Variants in STAG1 observed in about 807,000 individuals in gnomAD.
STAG1 encodes the protein STAG1 cohesin complex component.
A neutral mutation model predicts 170.9 loss-of-function variants in STAG1; 26 were observed. The observed-to-expected ratio is 0.15, with a 90% CI of 0.11 to 0.21. The LOEUF (loss-of-function observed/expected upper bound fraction) is 0.21. Ranked by LOEUF, STAG1 falls within the 10% of genes least tolerant of loss-of-function variation. The pLI, the probability that STAG1 is intolerant of heterozygous loss-of-function variation, is 1.00. For synonymous variants in STAG1, 514 were observed against 497.7 expected, an observed-to-expected ratio of 1.03 and a Z score of -0.44; for missense variants, 964 against 1,509.5, an observed-to-expected ratio of 0.64 and a Z score of 5.99.
intron 1 of STAG1, among the ~76,000 whole-genome samples, chr3:136,632,518 T>G (rs910695745): frequency 8.5e-5 from 13 of 152,226 alleles, no homozygotes; most frequent in African/African-American, 2.9e-4. Context: ...TTTGAAGAGA[T>G]TCCCAGCTGG....
At chr3:136,696,181 A>G (rs1942884816) in intron 1 of STAG1, among the ~76,000 whole-genome samples, 1 of 152,200 alleles carries the variant, frequency 6.6e-6, no homozygotes, top group South Asian at 2.1e-4. Flanking sequence ...CTGGTAAGTG[A>G]CAGCAGTAGG....
chr3:136,553,245 T>C (rs1251007208), intron 5 of STAG1, among the ~76,000 whole-genome samples: 1 of 152,160 alleles, frequency 6.6e-6, no homozygotes, highest in East Asian at 1.9e-4. Flanking sequence ...GGGGGGATAT[T>C]ATTCAGAAAG....
chr3:136,422,354 T>C (rs776561061), intron 19 of STAG1, 56 bp downstream of exon 19: 79 of 1,497,994 alleles, frequency 5.3e-5, no homozygotes, highest in Non-Finnish European at 6.8e-5. Flanking sequence ...CACTCAGCTA[T>C]CTTAAGTAAT....
chr3:136,662,657 C>A (rs1228333928), intron 1 of STAG1, among the ~76,000 whole-genome samples: 2 of 152,094 alleles, frequency 1.3e-5, no homozygotes, highest in African/African-American at 2.4e-5. Context: ...GTTGCCCAGT[C>A]TGGTCTCAGA....
At position 136,452,109 on chromosome 3, in the gene STAG1, A is replaced by G; in HGVS notation, c.1352T>C (p.Leu451Ser). 1 of 1,613,446 alleles carries G rather than the reference A, an allele frequency of 6.2e-7. No individual in the cohort carries two copies. The highest frequency in any genetic ancestry group is 8.5e-7 in the Non-Finnish European group (1 of 1,179,842). The change falls in exon 14 of 34, where the codon TTA becomes TCA. Residue 451 changes from leucine (L) to serine (S), a missense_variant. Leu to Ser is a moderately radical substitution (Grantham distance 145). Around this residue, in one of 11 missense-constraint regions of STAG1, gnomAD observed 162 missense variants for 211.2 expected, o/e 0.77. Transcript: ENST00000383202. ...GCTGTTTCTTCCCCTCCTCTTTGCT[A>G]ATGCTTCTTCTGCTTGTGGGTCATG... ...SRHDPQAEEA[L>S]AKRRGRNSPN...
chr3:136,551,331 T>C (rs1480637846), intron 5 of STAG1, among the ~76,000 whole-genome samples: 1 of 149,450 alleles, frequency 6.7e-6, no homozygotes, highest in Non-Finnish European at 1.5e-5. Context: ...CACTGCAGCC[T>C]TGACCTCCCA....
At chr3:136,668,786 A>G (rs1313306173) in intron 1 of STAG1, among the ~76,000 whole-genome samples, 1 of 152,202 alleles carries the variant, frequency 6.6e-6, no homozygotes, top group Non-Finnish European at 1.5e-5. Flanking sequence ...GATGTAGCCA[A>G]TCCCAAAGGC....
chr3:136,430,626 TAAAAA>T (rs11311172), intron 16 of STAG1, among the ~76,000 whole-genome samples: 1 of 131,730 alleles, frequency 7.6e-6, no homozygotes, highest in Non-Finnish European at 1.6e-5. Flanking sequence ...CTGAAGAGCT[TAAAAA>T]AAAAAAAAAA....
intron 9 of STAG1, among the ~76,000 whole-genome samples, chr3:136,490,115 A>C (rs964829570): frequency 1.3e-5 from 2 of 151,598 alleles, no homozygotes; most frequent in African/African-American, 4.9e-5. Context: ...ATCTTGGCTC[A>C]CTGCAACCTC....
At chr3:136,517,685 G>C (rs574333654) in intron 7 of STAG1, among the ~76,000 whole-genome samples, 67 of 149,948 alleles carry the variant, frequency 4.5e-4, no homozygotes, top group African/African-American at 1.6e-3. Flanking sequence ...AAAGTTCCCA[G>C]TCTCAGATTG....
intron 1 of STAG1, among the ~76,000 whole-genome samples, chr3:136,735,004 C>CT (rs1339789472): frequency 1.3e-5 from 2 of 152,200 alleles, no homozygotes; most frequent in East Asian, 3.9e-4. Context: ...ACTCTTGACA[C>CT]TAACCTAGGA....
intron 3 of STAG1, among the ~76,000 whole-genome samples, chr3:136,608,165 G>A (rs1387326169): frequency 6.6e-6 from 1 of 151,880 alleles, no homozygotes; most frequent in Non-Finnish European, 1.5e-5. Context: ...GCTGAGTCGG[G>A]AGAATCGCTT....
intron 1 of STAG1, among the ~76,000 whole-genome samples, chr3:136,665,978 G>T (rs936395365): frequency 2.7e-4 from 39 of 146,856 alleles, no homozygotes; most frequent in Admixed American, 2.1e-3. Context: ...GTGAGGCTAA[G>T]GCAGGAGAAT....
chr3:136,673,100 T>C (rs1942026206), intron 1 of STAG1, among the ~76,000 whole-genome samples: 1 of 152,212 alleles, frequency 6.6e-6, no homozygotes, highest in Non-Finnish European at 1.5e-5. Context: ...GGAATAAGAA[T>C]TCGTTTTAAT....
chr3:136,652,117 A>C (rs1941239291), intron 1 of STAG1, among the ~76,000 whole-genome samples: 2 of 152,250 alleles, frequency 1.3e-5, no homozygotes, highest in African/African-American at 2.4e-5. Flanking sequence ...GGAAAAAAGT[A>C]AATGTGTTTT....
chr3:136,647,146 C>A (rs1457058580), intron 1 of STAG1, among the ~76,000 whole-genome samples: 8 of 151,888 alleles, frequency 5.3e-5, no homozygotes. Flanking sequence ...AAAATAAATA[C>A]CATGCATAAA....
rs571623967 is a variant in STAG1, at chr3:136,639,552, G to A, written c.-83-8571C>T. ...CACTAGTTTAGTGGCTGTACATAAG[G>A]AACAATAAAAATATTCCAAAAATGT... On this transcript the variant is annotated intron_variant, in intron 1 of 33. Coordinates refer to ENST00000383202, the MANE Select transcript of STAG1 (RefSeq NM_005862.3). Among the ~76,000 whole-genome samples, 189 of 152,046 alleles carry A rather than the reference G, an allele frequency of 1.2e-3. 1 individual carries two copies. Among genetic ancestry groups the A allele is most frequent in the Middle Eastern group, 0.01 (3 of 294 alleles).
At chr3:136,444,488 C>G (rs956393184) in intron 14 of STAG1, among the ~76,000 whole-genome samples, 1 of 152,318 alleles carries the variant, frequency 6.6e-6, no homozygotes, top group South Asian at 2.1e-4. Flanking sequence ...AAAAGATCTT[C>G]CACTTTTGAG....
rs111340504 is a variant in STAG1, at chr3:136,430,374, A to G, written c.1650+3182T>C. On this transcript the variant is annotated intron_variant, in intron 16 of 33. Transcript: ENST00000383202. Reference sequence around the variant, plus strand: ...TTATAATATACATTTTTAACTTGTAACTGACTTCAGGTTGATATTGAATTA... The same window carrying G: ...TTATAATATACATTTTTAACTTGTAGCTGACTTCAGGTTGATATTGAATTA... Among the ~76,000 whole-genome samples the G allele has an allele frequency of 3.3e-5, 5 of 152,304 alleles. 1 individual carries two copies. The highest frequency in any genetic ancestry group is 1.2e-4 in the African/African-American group (5 of 41,586).
Sources: allele counts gnomAD v4.1 joint callset (sites outside exome capture counted in the v4.1 genomes callset), GRCh38; gene constraint gnomAD v4.1.1; regional missense constraint gnomAD v4.1.1; transcripts MANE v1.5; gene names NCBI Gene and HGNC (gene_info 2026-07-23, HGNC 2026-07-21).